PLCB4: variants seen among roughly 807,000 people sequenced by gnomAD.
PLCB4 encodes the protein phospholipase C beta 4.
PLCB4 carries 77 observed loss-of-function variants against 178.8 expected under a neutral mutation model. The observed-to-expected ratio is 0.43, with a 90% CI of 0.36 to 0.52. PLCB4 has a LOEUF of 0.52. Among genes scored for constraint, PLCB4 ranks in the 20% least tolerant of loss-of-function variants. The pLI, the probability that PLCB4 is intolerant of heterozygous loss-of-function variation, is 0.00. For missense variants in PLCB4, 1,024 were observed against 1,453.4 expected, an observed-to-expected ratio of 0.70 and a Z score of 4.80; for synonymous variants, 496 against 490.8, an observed-to-expected ratio of 1.01 and a Z score of -0.14.
chr20:9,420,790 G>T (rs753337556), intron 26 of PLCB4, among the ~76,000 whole-genome samples: 2 of 152,100 alleles, frequency 1.3e-5, no homozygotes, highest in African/African-American at 4.8e-5. Context: ...TAGCTTTATC[G>T]TAGATAGACT....
At chr20:9,163,630 A>G (rs959327377) in intron 2 of PLCB4, among the ~76,000 whole-genome samples, 7 of 151,984 alleles carry the variant, frequency 4.6e-5, no homozygotes, top group African/African-American at 1.4e-4. Flanking sequence ...ATAAAATATT[A>G]TGCTTATAGA....
chr20:9,429,958 G>A (rs2041283089), intron 28 of PLCB4, among the ~76,000 whole-genome samples: 1 of 152,042 alleles, frequency 6.6e-6, no homozygotes. Flanking sequence ...TCCTAGAAAG[G>A]GGTATCCAAT....
intron 2 of PLCB4, among the ~76,000 whole-genome samples, chr20:9,109,907 A>G (rs1194299261): frequency 2.0e-5 from 3 of 152,134 alleles, no homozygotes; most frequent in Admixed American, 6.6e-5. Flanking sequence ...GGAGGGAGGC[A>G]CTTAACCAAT....
chr20:9,312,396 A>ACACACACG (rs1491216249), intron 4 of PLCB4, among the ~76,000 whole-genome samples: 24 of 146,614 alleles, frequency 1.6e-4, no homozygotes, highest in African/African-American at 5.6e-4. Context: ...ACACACACAC[A>ACACACACG]CGCACGCACT....
chr20:9,473,254 A>ATTTTT, intron 37 of PLCB4, 25 bp from the exon 38 acceptor site: 7 of 1,196,178 alleles, frequency 5.9e-6, no homozygotes, highest in South Asian at 3.6e-5. Context: ...TTCAATCAGA[A>ATTTTT]TTTTTTTTTT....
intron 2 of PLCB4, among the ~76,000 whole-genome samples, chr20:9,105,977 T>A (rs2091347473): frequency 1.3e-5 from 2 of 152,052 alleles, no homozygotes; most frequent in Admixed American, 1.3e-4. Context: ...ACATCTTTAT[T>A]TTTCAAAATG....
chr20:9,463,593 C>CAAAAAAAAAAAAAAAAAA (rs145361980), intron 35 of PLCB4, among the ~76,000 whole-genome samples: 3 of 49,694 alleles, frequency 6.0e-5, no homozygotes, highest in African/African-American at 8.1e-5. Context: ...AAATGGAAAG[C>CAAAAAAAAAAAAAAAAAA]AAAAAAAAAA....
At chr20:9,338,862 A>AT (rs745937703) in intron 6 of PLCB4, 32 bp from the exon 7 acceptor site, 2,052 of 1,532,810 alleles carry the variant, frequency 1.3e-3, no homozygotes, top group Non-Finnish European at 1.5e-3. Flanking sequence ...GATGTAACTT[A>AT]TTTTTTTTTC....
intron 3 of PLCB4, among the ~76,000 whole-genome samples, chr20:9,271,142 G>A (rs1474730061): frequency 6.6e-6 from 1 of 152,102 alleles, no homozygotes; most frequent in African/African-American, 2.4e-5. Context: ...CAGCCTTTGA[G>A]GACTTACCCC....
chr20:9,403,826 T>C (rs1935478766), intron 20 of PLCB4, among the ~76,000 whole-genome samples: 1 of 152,224 alleles, frequency 6.6e-6, no homozygotes, highest in Non-Finnish European at 1.5e-5. Context: ...AAGAGACACC[T>C]TTAGGCTAAA....
At chr20:9,429,210 G>A (rs1230831635) in intron 28 of PLCB4, among the ~76,000 whole-genome samples, 1 of 152,150 alleles carries the variant, frequency 6.6e-6, no homozygotes, top group Non-Finnish European at 1.5e-5. Context: ...AATCTAGGGT[G>A]TTTTAGGCCA....
chr20:9,311,629 T>A (rs1278984946), intron 4 of PLCB4, among the ~76,000 whole-genome samples: 4 of 152,160 alleles, frequency 2.6e-5, no homozygotes, highest in Admixed American at 2.6e-4. Flanking sequence ...TGTCTCTCAA[T>A]CTAAAGAAGA....
At chr20:9,205,753 G>A (rs547268892) in intron 2 of PLCB4, among the ~76,000 whole-genome samples, 1 of 152,260 alleles carries the variant, frequency 6.6e-6, no homozygotes, top group African/African-American at 2.4e-5. Flanking sequence ...AAGGATCTCT[G>A]TGCCACAGCC....
intron 3 of PLCB4, among the ~76,000 whole-genome samples, chr20:9,227,126 T>C (rs138948627): frequency 6.5e-4 from 99 of 152,200 alleles, no homozygotes; most frequent in Non-Finnish European, 1.2e-3. Flanking sequence ...CCTTTGCCCA[T>C]TTTTTAAGTG....
At chr20:9,303,717 T>A (rs1255994670) in intron 3 of PLCB4, among the ~76,000 whole-genome samples, 2 of 152,314 alleles carry the variant, frequency 1.3e-5, no homozygotes, top group South Asian at 4.1e-4. Flanking sequence ...GTGGGATTGC[T>A]GGATCATTTA....
At position 9,371,278 on chromosome 20, in the gene PLCB4, G is replaced by A. The variant is rs765694096; in HGVS notation, c.568G>A (p.Gly190Ser). ...GATCTTTCAAGCACTCAAGGAGTTAGGTCTTCCCAGTGGAAAGGTATGCAT... is the reference window on the plus strand; with the variant it reads ...GATCTTTCAAGCACTCAAGGAGTTAAGTCTTCCCAGTGGAAAGGTATGCAT... Reference protein sequence around the residue: ...KVIFQALKELGLPSGKNDEIE... With the variant: ...KVIFQALKELSLPSGKNDEIE... The change falls in exon 10 of 40, where the codon GGT becomes AGT. Residue 190 changes from glycine (G) to serine (S), a missense_variant. Physicochemically the swap from Gly to Ser is moderately conservative, Grantham distance 56. Coordinates refer to ENST00000378473, the MANE Select transcript of PLCB4 (RefSeq NM_001377142.1). 20 of 1,600,662 alleles carry A rather than the reference G, an allele frequency of 1.2e-5. No individual in the cohort carries two copies. The highest frequency in any genetic ancestry group is 1.5e-5 in the Non-Finnish European group (17 of 1,168,228).
chr20:9,462,104 G>C lies in PLCB4; in HGVS notation c.3248+2294G>C, dbSNP rs138007995. 1.7e-3 allele frequency among the ~76,000 whole-genome samples: 264 copies of C among 152,258 alleles called. 2 individuals carry two copies. The South Asian group carries it at 0.023, about 13-fold the overall frequency. ...ATTTGCTGTTCTGCAGCCTCCGCTG[G>C]TGATACCCAGGCAAACAGGGTCTGG... On this transcript the variant is annotated intron_variant, in intron 35 of 39. Transcript: ENST00000378473.
intron 2 of PLCB4, among the ~76,000 whole-genome samples, chr20:9,112,066 C>G (rs2091596805): frequency 6.6e-6 from 1 of 151,906 alleles, no homozygotes; most frequent in Admixed American, 6.6e-5. Context: ...TTGGATAGTC[C>G]CTTTACCTGT....
At chr20:9,166,680 AC>A (rs1387631576) in intron 2 of PLCB4, 1 of 152,190 alleles carries the variant, frequency 6.6e-6, no homozygotes, top group Non-Finnish European at 1.5e-5. Flanking sequence ...TTGAAATCCT[AC>A]TGACTCCTTT....
Sources: gnomAD v4.1 joint callset for allele counts (sites outside exome capture counted in the v4.1 genomes callset) on GRCh38, gnomAD v4.1.1 for gene constraint, MANE v1.5 for transcripts, NCBI Gene and HGNC (gene_info 2026-07-23, HGNC 2026-07-21) for gene names.